The following NTSR1 variants were observed in gnomAD, a reference collection of about 807,000 sequenced individuals.
NTSR1 encodes the protein neurotensin receptor 1.
In NTSR1, 29 loss-of-function variants were observed where a neutral mutation model predicts 31.2. That is an observed-to-expected ratio of 0.93 (90% confidence interval 0.69 to 1.27). The LOEUF is 1.27. Among genes scored for constraint, NTSR1 ranks in the 50% most tolerant of loss-of-function variants. The pLI is 0.00. For missense variants in NTSR1, 697 were observed against 595.4 expected (o/e 1.17, Z -1.78); for synonymous variants, 282 against 269.9 (o/e 1.04, Z -0.44).
At chr20:62,735,402 G>C (rs2147140118) in intron 1 of NTSR1, 1 of 152,334 alleles carries the variant, frequency 6.6e-6, no homozygotes, top group South Asian at 2.1e-4. Flanking sequence ...GGGAAGGCAG[G>C]GGCCCCCCGG....
Position 62,760,547 on chromosome 20 carries a change from A to C in NTSR1, c.*280A>C. The C allele has an allele frequency of 1.3e-5, 5 of 372,892 alleles. No homozygotes were observed. Among genetic ancestry groups the C allele is most frequent in the East Asian group, 4.3e-5 (1 of 23,102 alleles). 23.1% of individuals were successfully genotyped at this position (372,892 alleles called of 1,614,324 possible). A position where few individuals can be genotyped will look rare whatever the true frequency, so the allele number is the denominator to read the frequency against. On this transcript the variant is annotated 3_prime_UTR_variant, in exon 4 of 4. Transcript: ENST00000370501. The stretch of plus-strand genomic sequence containing the variant: ...CCCAGATAGGAAAAGGGCCTCTAAC[A>C]AGGAGAAATTAGTGTGCGGCAAAAG...
At chr20:62,730,055 T>C (rs549044392) in intron 1 of NTSR1, among the ~76,000 whole-genome samples, 2 of 152,306 alleles carry the variant, frequency 1.3e-5, no homozygotes, top group East Asian at 3.9e-4. Flanking sequence ...TATTAACATT[T>C]TGCATTAGTG....
At chr20:62,735,408 C>T (rs1989073932) in intron 1 of NTSR1, 1 of 152,224 alleles carries the variant, frequency 6.6e-6, no homozygotes, top group South Asian at 2.1e-4. Flanking sequence ...GCAGGGGCCC[C>T]CCGGGGAGAG....
rs1989199535 is a variant in NTSR1, at chr20:62,741,171, G to GCT, written c.715-13514_715-13513insCT. 1.3e-5 allele frequency among the ~76,000 whole-genome samples: 2 copies of GCT among 150,784 alleles called. No individual in the cohort carries two copies. The highest frequency in any genetic ancestry group is 3.9e-4 in the East Asian group (2 of 5,138). On this transcript the variant is annotated intron_variant, in intron 1 of 3. Coordinates refer to ENST00000370501, the MANE Select transcript of NTSR1 (RefSeq NM_002531.3). This position sits in a 1 kb window ranked among gnomAD's most constrained non-coding sequence, Gnocchi z 4.3. ...TAAGGCCCTCTGGGCTAAGTCAGGG[G>GCT]TCTCCCGGCAGCCAGGCTGCTAAGT...
intron 1 of NTSR1, among the ~76,000 whole-genome samples, chr20:62,749,443 CAT>C (rs1216726203): frequency 1.3e-5 from 2 of 152,130 alleles, no homozygotes; most frequent in East Asian, 1.9e-4. Flanking sequence ...TAGGAGAAAA[CAT>C]AGAAGAAAAG....
chr20:62,760,404 C>T lies in NTSR1; in HGVS notation c.*137C>T, dbSNP rs1293320071. ...TGCACTGGAGTCTGAGGCCTGGGAC[C>T]CCCCCCTCCCACCCCCTAACCCATG... On this transcript the variant is annotated 3_prime_UTR_variant, in exon 4 of 4. Transcript: ENST00000370501. The T allele has an allele frequency of 3.3e-6, 3 of 899,784 alleles. No individual in the cohort carries two copies. Among genetic ancestry groups the T allele is most frequent in the Admixed American group, 3.0e-5 (1 of 33,110 alleles). 55.7% of individuals were successfully genotyped at this position (899,784 alleles called of 1,614,324 possible). A position where few individuals can be genotyped will look rare whatever the true frequency, so the allele number is the denominator to read the frequency against.
In NTSR1 at chr20:62,744,637, G is replaced by T. The variant is rs1326282618; in HGVS notation, c.715-10048G>T. On this transcript the variant is annotated intron_variant, in intron 1 of 3. Transcript: ENST00000370501. This position sits in a 1 kb window ranked among gnomAD's most constrained non-coding sequence, Gnocchi z 4.1. The stretch of plus-strand genomic sequence containing the variant: ...GCTACTCAGGAAGGCTGAGGCAGGA[G>T]AATCACTTGAACCTGGGAGACGGAG... 6.6e-6 allele frequency among the ~76,000 whole-genome samples: 1 copy of T among 152,054 alleles called. No individual in the cohort carries two copies. The highest frequency in any genetic ancestry group is 2.4e-5 in the African/African-American group (1 of 41,398).
intron 3 of NTSR1, 80 bp from the exon 4 acceptor site, chr20:62,759,938 C>A: frequency 1.4e-6 from 2 of 1,451,216 alleles, no homozygotes; most frequent in Non-Finnish European, 1.9e-6. Context: ...GTCCCTCAGC[C>A]GCTGTGGCCC....
At chr20:62,722,469 T>C (rs1314621328) in intron 1 of NTSR1, among the ~76,000 whole-genome samples, 1 of 152,200 alleles carries the variant, frequency 6.6e-6, no homozygotes, top group Non-Finnish European at 1.5e-5. Context: ...GTGGCCTTGT[T>C]CTGTACACGC....
chr20:62,721,006 T>G (rs1379526184), intron 1 of NTSR1, among the ~76,000 whole-genome samples: 1 of 152,250 alleles, frequency 6.6e-6, no homozygotes, highest in East Asian at 1.9e-4. Flanking sequence ...GTGCATGATT[T>G]AAATTCCTAA....
chr20:62,760,399 G>C lies in NTSR1; in HGVS notation c.*132G>C. 1.0e-6 allele frequency: 1 copy of C among 997,700 alleles called. No homozygotes were observed. The highest frequency in any genetic ancestry group is 1.7e-5 in the South Asian group (1 of 57,958). 61.8% of individuals were successfully genotyped at this position (997,700 alleles called of 1,614,324 possible). A position where few individuals can be genotyped will look rare whatever the true frequency, so the allele number is the denominator to read the frequency against. The stretch of plus-strand genomic sequence containing the variant: ...CAGCCTGCACTGGAGTCTGAGGCCT[G>C]GGACCCCCCCCTCCCACCCCCTAAC... On this transcript the variant is annotated 3_prime_UTR_variant, in exon 4 of 4. Transcript: ENST00000370501.
At position 62,742,679 on chromosome 20, in the gene NTSR1, G is replaced by A. The variant is rs1262618896; in HGVS notation, c.715-12006G>A. ...GCTGCTTTTCCCTGGGTCCCTCCAT[G>A]GTGTCTCCTCTGAGGACAGCCACTG... On this transcript the variant is annotated intron_variant, in intron 1 of 3. Transcript: ENST00000370501. The surrounding 1 kb of genome is among the most constrained non-coding windows in gnomAD (Gnocchi z 7.1). 1.3e-5 allele frequency among the ~76,000 whole-genome samples: 2 copies of A among 149,446 alleles called. No homozygotes were observed. Among genetic ancestry groups the A allele is most frequent in the Non-Finnish European group, 2.9e-5 (2 of 68,006 alleles).
chr20:62,758,350 G>A lies in NTSR1; in HGVS notation c.1001G>A (p.Trp334Ter), dbSNP rs748864417. The change falls in exon 3 of 4, where the codon TGG becomes TAG. Residue 334 changes from tryptophan (W) to a stop codon, truncating the protein, a stop_gained. Coordinates refer to ENST00000370501, the MANE Select transcript of NTSR1 (RefSeq NM_002531.3). LOFTEE classifies it high-confidence loss of function. The surrounding 1 kb of genome is among the most constrained non-coding windows in gnomAD (Gnocchi z 4.5). The part of the protein sequence containing the change: ...LMFCYISDEQ[W>*]TPFLYDFYHY... ...TTCTGCTACATCTCGGATGAGCAGT[G>A]GACTCCGTGAGTACCGGGAACCAGG... is the stretch of plus-strand genomic sequence containing the variant. 1 of 1,613,286 alleles carries A rather than the reference G, an allele frequency of 6.2e-7. No homozygotes were observed. The highest frequency in any genetic ancestry group is 8.5e-7 in the Non-Finnish European group (1 of 1,179,612).
chr20:62,709,407 C>T lies in NTSR1; in HGVS notation c.200C>T (p.Thr67Ile), dbSNP rs1395175632. The T allele has an allele frequency of 1.2e-6, 2 of 1,609,608 alleles. No individual in the cohort carries two copies. The highest frequency in any genetic ancestry group is 3.3e-5 in the Admixed American group (2 of 59,928). The change falls in exon 1 of 4, where the codon ACC becomes ATC. Residue 67 changes from threonine to isoleucine, a missense_variant. Thr to Ile is a moderately conservative substitution (Grantham distance 89). Transcript: ENST00000370501. ...NTDIYSKVLVTAVYLALFVVG... is the reference protein window; with the variant it reads ...NTDIYSKVLVIAVYLALFVVG... ...GACATCTACTCCAAGGTGCTGGTGA[C>T]CGCCGTGTACCTGGCGCTCTTCGTG...
At chr20:62,736,563 C>A (rs1230309477) in intron 1 of NTSR1, among the ~76,000 whole-genome samples, 1 of 152,196 alleles carries the variant, frequency 6.6e-6, no homozygotes, top group Non-Finnish European at 1.5e-5. Flanking sequence ...CAGGGCGGGC[C>A]CAAACCTCCA....
Position 62,760,415 on chromosome 20 carries a change from ACC to A in NTSR1, c.*152_*153del. The A allele has an allele frequency of 6.3e-6, 4 of 632,378 alleles. No homozygotes were observed. Among genetic ancestry groups the A allele is most frequent in the South Asian group, 2.2e-5 (1 of 44,794 alleles). 39.2% of individuals were successfully genotyped at this position (632,378 alleles called of 1,614,324 possible). On this transcript the variant is annotated 3_prime_UTR_variant, in exon 4 of 4. Coordinates refer to ENST00000370501, the MANE Select transcript of NTSR1 (RefSeq NM_002531.3). ...CTGAGGCCTGGGACCCCCCCCTCCC[ACC>A]CCCTAACCCATGTTTCTCATTAGTG...
chr20:62,730,483 GTTTA>G (rs1166620537), intron 1 of NTSR1, among the ~76,000 whole-genome samples: 2 of 152,208 alleles, frequency 1.3e-5, no homozygotes, highest in African/African-American at 4.8e-5. Flanking sequence ...CCCCCAGCTT[GTTTA>G]TTCACTCAGC....
chr20:62,753,160 T>G (rs1018047671), intron 1 of NTSR1, among the ~76,000 whole-genome samples: 2 of 152,226 alleles, frequency 1.3e-5, no homozygotes, highest in Admixed American at 1.3e-4. Context: ...TGAAGGCCTC[T>G]GAGTGCTTCT....
intron 1 of NTSR1, among the ~76,000 whole-genome samples, chr20:62,738,643 G>T (rs568512966): frequency 1.3e-5 from 2 of 152,234 alleles, no homozygotes; most frequent in Non-Finnish European, 2.9e-5. Context: ...GGCCTCAGCC[G>T]TGCCTGTGTT....
Sources: gnomAD v4.1 joint callset for allele counts (sites outside exome capture counted in the v4.1 genomes callset) on GRCh38, gnomAD v4.1.1 for gene constraint, Gnocchi (gnomAD v3.1) non-coding constraint, MANE v1.5 for transcripts, NCBI Gene and HGNC (gene_info 2026-07-23, HGNC 2026-07-21) for gene names.